The following DRC11 variants were observed in gnomAD, a reference collection of about 807,000 sequenced individuals.
The protein encoded by DRC11 is IQ and AAA domain-containing protein 1.
At chr2:236,470,942 C>G in the DRC11 span, among the ~76,000 whole-genome samples, 1 of 152,088 alleles carries the variant, frequency 6.6e-6, no homozygotes, top group Non-Finnish European at 1.5e-5. This position sits in a 1 kb window ranked among gnomAD's most constrained non-coding sequence, Gnocchi z 5.1. Context: ...TCTAGTTGTG[C>G]TTATAATTAA....
At chr2:236,435,162 T>C in the DRC11 span, among the ~76,000 whole-genome samples, 1 of 152,236 alleles carries the variant, frequency 6.6e-6, no homozygotes, top group African/African-American at 2.4e-5. Context: ...GGGTCAGTCA[T>C]GCTGAAGTCC....
At chr2:236,491,922 T>C in the DRC11 span, among the ~76,000 whole-genome samples, 1 of 152,174 alleles carries the variant, frequency 6.6e-6, no homozygotes. Context: ...TGTTGGGATG[T>C]GGGACTTTTA....
At chr2:236,354,970 G>C in the DRC11 span, among the ~76,000 whole-genome samples, 1 of 152,214 alleles carries the variant, frequency 6.6e-6, no homozygotes, top group African/African-American at 2.4e-5. Context: ...GGCCCACCCT[G>C]GTCTAGGGGC....
At chr2:236,420,352 A>G in the DRC11 span, among the ~76,000 whole-genome samples, 1 of 152,248 alleles carries the variant, frequency 6.6e-6, no homozygotes, top group African/African-American at 2.4e-5. This position sits in a 1 kb window ranked among gnomAD's most constrained non-coding sequence, Gnocchi z 4.8. Flanking sequence ...AACTTACTCC[A>G]TCGTACAAAA....
chr2:236,490,033 G>A, the DRC11 span, among the ~76,000 whole-genome samples: 3 of 152,224 alleles, frequency 2.0e-5, no homozygotes, highest in Non-Finnish European at 2.9e-5. The surrounding 1 kb of genome is among the most constrained non-coding windows in gnomAD (Gnocchi z 5.5). Context: ...ACAATGTGAA[G>A]GTGCTGAGGC....
chr2:236,358,128 A>C, the DRC11 span, among the ~76,000 whole-genome samples: 1 of 116,838 alleles, frequency 8.6e-6, no homozygotes, highest in Non-Finnish European at 1.6e-5. Flanking sequence ...ATATGAATAT[A>C]TATTTATAAT....
the DRC11 span, among the ~76,000 whole-genome samples, chr2:236,323,119 G>C: frequency 0.5 from 76,697 of 152,116 alleles, 20,820 homozygotes; most frequent in African/African-American, 0.71. The surrounding 1 kb of genome is among the most constrained non-coding windows in gnomAD (Gnocchi z 6.4). Flanking sequence ...TACCCTCATA[G>C]TTTTCATTTC....
At chr2:236,409,625 G>C in the DRC11 span, among the ~76,000 whole-genome samples, 1 of 151,920 alleles carries the variant, frequency 6.6e-6, no homozygotes, top group Non-Finnish European at 1.5e-5. Flanking sequence ...GATTGCCCTG[G>C]CCAGAACTTC....
chr2:236,435,601 G>C, the DRC11 span, among the ~76,000 whole-genome samples: 1 of 152,200 alleles, frequency 6.6e-6, no homozygotes, highest in Non-Finnish European at 1.5e-5. Flanking sequence ...GGTGGTAGGA[G>C]AGAGAAAAAG....
chr2:236,310,660 C>T, the DRC11 span, among the ~76,000 whole-genome samples: 53 of 152,316 alleles, frequency 3.5e-4, no homozygotes, highest in South Asian at 4.6e-3. The surrounding 1 kb of genome is among the most constrained non-coding windows in gnomAD (Gnocchi z 5.5). Context: ...GGCTGCGTAA[C>T]AAAAGGCCCT....
chr2:236,446,399 A>G, the DRC11 span, among the ~76,000 whole-genome samples: 1 of 152,328 alleles, frequency 6.6e-6, no homozygotes, highest in East Asian at 1.9e-4. The surrounding 1 kb of genome is among the most constrained non-coding windows in gnomAD (Gnocchi z 6.2). Context: ...TGCAGGTGAC[A>G]GCCCATCTGG....
the DRC11 span, among the ~76,000 whole-genome samples, chr2:236,504,166 T>C: frequency 6.7e-6 from 1 of 148,618 alleles, no homozygotes; most frequent in Non-Finnish European, 1.5e-5. The surrounding 1 kb of genome is among the most constrained non-coding windows in gnomAD (Gnocchi z 5.0). Context: ...TTGCCTATTC[T>C]GGACACTTCA....
the DRC11 span, among the ~76,000 whole-genome samples, chr2:236,339,572 A>T: frequency 2.0e-5 from 3 of 152,198 alleles, no homozygotes; most frequent in African/African-American, 7.2e-5. Context: ...ATACATTATC[A>T]GTTGATTTTT....
At chr2:236,471,234 G>C in the DRC11 span, among the ~76,000 whole-genome samples, 1 of 152,056 alleles carries the variant, frequency 6.6e-6, no homozygotes, top group Non-Finnish European at 1.5e-5. This position sits in a 1 kb window ranked among gnomAD's most constrained non-coding sequence, Gnocchi z 4.6. Context: ...TGGAGTCTCT[G>C]TTCTTACTCT....
the DRC11 span, among the ~76,000 whole-genome samples, chr2:236,394,319 A>G: frequency 6.6e-6 from 1 of 152,210 alleles, no homozygotes; most frequent in African/African-American, 2.4e-5. This position sits in a 1 kb window ranked among gnomAD's most constrained non-coding sequence, Gnocchi z 7.0. Context: ...GGACATGGAA[A>G]TGCAGCTCCA....
At chr2:236,503,621 G>A in the DRC11 span, 27 of 1,549,064 alleles carry the variant, frequency 1.7e-5, no homozygotes, top group East Asian at 7.3e-5. The surrounding 1 kb of genome is among the most constrained non-coding windows in gnomAD (Gnocchi z 4.9). Context: ...ACGGATCCCT[G>A]CATCATTACC....
At chr2:236,498,978 T>C in the DRC11 span, among the ~76,000 whole-genome samples, 31 of 152,182 alleles carry the variant, frequency 2.0e-4, no homozygotes, top group Non-Finnish European at 4.1e-4. Flanking sequence ...TGATCATTGA[T>C]GAAGGAGAAA....
At chr2:236,389,334 T>G in the DRC11 span, among the ~76,000 whole-genome samples, 13 of 152,338 alleles carry the variant, frequency 8.5e-5, no homozygotes, top group African/African-American at 3.1e-4. Flanking sequence ...CGTAGGACCC[T>G]CGGAGCCAGG....
the DRC11 span, among the ~76,000 whole-genome samples, chr2:236,400,680 G>A: frequency 6.6e-6 from 1 of 152,126 alleles, no homozygotes; most frequent in Non-Finnish European, 1.5e-5. The surrounding 1 kb of genome is among the most constrained non-coding windows in gnomAD (Gnocchi z 7.9). Context: ...TGGCGCGGGC[G>A]TGCCTCCCCT....
Sources: gnomAD v4.1 joint callset for allele counts (sites outside exome capture counted in the v4.1 genomes callset) on GRCh38, gnomAD v4.1.1 for gene constraint, Gnocchi (gnomAD v3.1) non-coding constraint, MANE v1.5 for transcripts, NCBI Gene and HGNC (gene_info 2026-07-23, HGNC 2026-07-21) for gene names.